Variants in GPM6A observed in about 807,000 individuals in gnomAD.
GPM6A encodes glycoprotein M6A.
GPM6A carries 7 observed loss-of-function variants against 32.1 expected under a neutral mutation model. The observed-to-expected ratio is 0.22, with a 90% CI of 0.12 to 0.41. The LOEUF is 0.41. GPM6A is among the 10% of genes least tolerant of loss of function. The pLI, the probability that GPM6A is intolerant of heterozygous loss-of-function variation, is 1.00. For missense variants in GPM6A, 235 were observed against 347.2 expected (o/e 0.68, Z 2.57); for synonymous variants, 130 against 123.4 (o/e 1.05, Z -0.35).
intron 1 of GPM6A, among the ~76,000 whole-genome samples, chr4:175,811,397 C>T (rs1325976657): frequency 2.0e-5 from 3 of 152,116 alleles, no homozygotes; most frequent in Non-Finnish European, 4.4e-5. Context: ...GGGGTGAAAG[C>T]TAGCTCCCTC....
intron 1 of GPM6A, among the ~76,000 whole-genome samples, chr4:175,908,400 A>G (rs1738198400): frequency 6.6e-6 from 1 of 152,130 alleles, no homozygotes; most frequent in Admixed American, 6.6e-5. Context: ...GCAAAGTGAA[A>G]TTGATTAGAA....
chr4:175,734,538 A>G (rs1272637705), intron 1 of GPM6A, among the ~76,000 whole-genome samples: 1 of 151,472 alleles, frequency 6.6e-6, no homozygotes, highest in Non-Finnish European at 1.5e-5. Flanking sequence ...ATGTTAATTT[A>G]TTTCAAATGT....
chr4:175,807,668 T>C (rs962621334), intron 1 of GPM6A: 4 of 152,126 alleles, frequency 2.6e-5, no homozygotes, highest in Admixed American at 6.5e-5. Context: ...CTTGAAAAAG[T>C]TTTCATATCT....
intron 1 of GPM6A, among the ~76,000 whole-genome samples, chr4:175,842,137 T>A (rs148740693): frequency 2.7e-4 from 41 of 152,316 alleles, no homozygotes; most frequent in East Asian, 5.8e-4. Flanking sequence ...ATAGCTTTTT[T>A]AATTTCCCTA....
chr4:175,768,585 G>T (rs944250441), intron 1 of GPM6A, among the ~76,000 whole-genome samples: 1 of 151,214 alleles, frequency 6.6e-6, no homozygotes, highest in Non-Finnish European at 1.5e-5. Context: ...AATAGTGAAG[G>T]TTAAGTTAAA....
At chr4:175,731,775 G>T (rs953869965) in intron 1 of GPM6A, among the ~76,000 whole-genome samples, 2 of 152,070 alleles carry the variant, frequency 1.3e-5, no homozygotes, top group Admixed American at 6.6e-5. Context: ...GCAATATAAA[G>T]GCTTCACAGT....
In GPM6A at chr4:175,954,490, G is replaced by A. The variant is rs904208649; in HGVS notation, c.-23+47819C>T. Reference sequence around the variant, plus strand: ...ACACTATTAGAGTTTTAATTAAAATGTGTAGAGTACTGAGGACAGTGGCTA... The same window carrying A: ...ACACTATTAGAGTTTTAATTAAAATATGTAGAGTACTGAGGACAGTGGCTA... On this transcript the variant is annotated intron_variant, in intron 1 of 7. Transcript: ENST00000280187. Among the ~76,000 whole-genome samples, 6 of 152,324 alleles carry A rather than the reference G, an allele frequency of 3.9e-5. No homozygotes were observed. The East Asian group carries it at 1.2e-3, about 29-fold the overall frequency.
chr4:175,655,478 A>G (rs1280814917), intron 3 of GPM6A, among the ~76,000 whole-genome samples: 1 of 152,020 alleles, frequency 6.6e-6, no homozygotes, highest in African/African-American at 2.4e-5. Context: ...TTTATTTCTA[A>G]CTTCACATTT....
chr4:175,715,410 G>A (rs112340241), intron 1 of GPM6A, among the ~76,000 whole-genome samples: 2,992 of 152,298 alleles, frequency 0.02, 75 homozygotes, highest in South Asian at 0.12. Flanking sequence ...ATGCTTGACT[G>A]GGTTGGATGT....
chr4:175,684,918 T>A (rs1743892460), intron 2 of GPM6A, among the ~76,000 whole-genome samples: 1 of 152,286 alleles, frequency 6.6e-6, no homozygotes, highest in East Asian at 1.9e-4. Flanking sequence ...AGACGGAGTC[T>A]CGCTCTGTCG....
chr4:175,840,804 A>G (rs1735911976), intron 1 of GPM6A, among the ~76,000 whole-genome samples: 1 of 152,250 alleles, frequency 6.6e-6, no homozygotes. Context: ...ATAAGGCAGC[A>G]AAAGTTTTAA....
intron 1 of GPM6A, among the ~76,000 whole-genome samples, chr4:175,883,031 G>A (rs1737331946): frequency 6.6e-6 from 1 of 152,052 alleles, no homozygotes; most frequent in African/African-American, 2.4e-5. Flanking sequence ...CATTTCTTTA[G>A]ACACACTAAA....
intron 6 of GPM6A, among the ~76,000 whole-genome samples, chr4:175,635,764 T>C (rs1740541071): frequency 6.6e-6 from 1 of 152,162 alleles, no homozygotes; most frequent in Admixed American, 6.6e-5. Flanking sequence ...CTTATTTGTT[T>C]TTCTTTTCTT....
upstream of GPM6A, among the ~76,000 whole-genome samples, chr4:175,814,855 G>T (rs1193642749): frequency 6.6e-6 from 1 of 152,138 alleles, no homozygotes; most frequent in African/African-American, 2.4e-5. Context: ...TAAATCTGTA[G>T]TTCAGTGGCA....
chr4:175,977,804 T>C (rs1456134041), intron 1 of GPM6A, among the ~76,000 whole-genome samples: 1 of 152,210 alleles, frequency 6.6e-6, no homozygotes, highest in Admixed American at 6.5e-5. Flanking sequence ...AGATTCCTGG[T>C]TCTTCTTAAG....
chr4:175,648,404 T>C (rs536040214), intron 4 of GPM6A, among the ~76,000 whole-genome samples: 1 of 152,186 alleles, frequency 6.6e-6, no homozygotes, highest in Non-Finnish European at 1.5e-5. Flanking sequence ...GAGGCAACTT[T>C]GCTGGCTTTG....
chr4:175,958,775 T>G (rs770734127), intron 1 of GPM6A, among the ~76,000 whole-genome samples: 4 of 152,242 alleles, frequency 2.6e-5, no homozygotes, highest in Admixed American at 2.6e-4. Context: ...AGGCATAGTT[T>G]ACACTAAAAG....
intron 1 of GPM6A, among the ~76,000 whole-genome samples, chr4:175,830,962 C>A (rs1047329943): frequency 6.6e-6 from 1 of 152,110 alleles, no homozygotes; most frequent in African/African-American, 2.4e-5. Flanking sequence ...ATCCCCTAAA[C>A]TGGAAAAGAA....
At chr4:175,643,369 C>T (rs369123824) in intron 4 of GPM6A, among the ~76,000 whole-genome samples, 2 of 152,158 alleles carry the variant, frequency 1.3e-5, no homozygotes, top group Admixed American at 1.3e-4. Flanking sequence ...ATCGTGGGAA[C>T]TCATAGACTT....
Sources: allele counts gnomAD v4.1 joint callset (sites outside exome capture counted in the v4.1 genomes callset), GRCh38; gene constraint gnomAD v4.1.1; transcripts MANE v1.5; gene names NCBI Gene and HGNC (gene_info 2026-07-23, HGNC 2026-07-21).